The following NALF1 variants were observed in gnomAD, a reference collection of about 807,000 sequenced individuals.
NALF1 encodes NALCN channel auxiliary factor 1, also known as family with sequence similarity 155 member A.
A neutral mutation model predicts 48.4 loss-of-function variants in NALF1; 3 were observed. That is an observed-to-expected ratio of 0.06 (90% CI 0.03 to 0.16). The LOEUF is 0.16. Among genes scored for constraint, NALF1 ranks in the 10% least tolerant of loss-of-function variants. The probability of loss-of-function intolerance (pLI) is 1.00; values close to 1 mark genes in which losing one functional copy is unlikely to be tolerated. For synonymous variants in NALF1, 262 were observed against 245.7 expected, an observed-to-expected ratio of 1.07 and a Z score of -0.62; for missense variants, 526 against 571.5, an observed-to-expected ratio of 0.92 and a Z score of 0.81.
At chr13:107,602,034 T>C (rs1476581014) in intron 1 of NALF1, among the ~76,000 whole-genome samples, 1 of 151,888 alleles carries the variant, frequency 6.6e-6, no homozygotes, top group Non-Finnish European at 1.5e-5. Flanking sequence ...TTCCTAAAAA[T>C]AAAGCTCATG....
At position 107,375,442 on chromosome 13, in the gene NALF1, T is replaced by G. The variant is rs139191599; in HGVS notation, c.916-164687A>C. 1.5e-3 allele frequency among the ~76,000 whole-genome samples: 228 copies of G among 152,316 alleles called. 2 individuals carry two copies. The highest frequency in any genetic ancestry group is 5.1e-3 in the African/African-American group (210 of 41,580). The stretch of plus-strand genomic sequence containing the variant: ...AAATATTTTTTATAAAAAATGTATA[T>G]TAAACAAGCAAAGTCATTCCAGAAA... On this transcript the variant is annotated intron_variant, in intron 1 of 2. Transcript: ENST00000375915.
At chr13:107,565,210 A>C (rs914174117) in intron 1 of NALF1, among the ~76,000 whole-genome samples, 10 of 151,526 alleles carry the variant, frequency 6.6e-5, no homozygotes, top group East Asian at 5.8e-4. Flanking sequence ...ATGACCCCAA[A>C]TAAGAAATTT....
intron 1 of NALF1, among the ~76,000 whole-genome samples, chr13:107,843,105 G>A (rs1880083969): frequency 6.6e-6 from 1 of 152,180 alleles, no homozygotes; most frequent in Non-Finnish European, 1.5e-5. Context: ...GAAGACTCAT[G>A]GTGGGCTGCT....
At chr13:107,453,272 T>C (rs1006466613) in intron 1 of NALF1, among the ~76,000 whole-genome samples, 2 of 152,202 alleles carry the variant, frequency 1.3e-5, no homozygotes. Context: ...CCATGAGGGC[T>C]CCGCCCCTTC....
intron 1 of NALF1, among the ~76,000 whole-genome samples, chr13:107,372,738 C>T (rs2138966190): frequency 6.6e-6 from 1 of 152,170 alleles, no homozygotes; most frequent in South Asian, 2.1e-4. Context: ...GAATACCTAC[C>T]AATCTGTTAT....
intron 2 of NALF1, among the ~76,000 whole-genome samples, chr13:107,198,656 G>C (rs1418272141): frequency 1.3e-5 from 2 of 152,190 alleles, no homozygotes; most frequent in African/African-American, 2.4e-5. Flanking sequence ...TCCTCTGCTA[G>C]GGGAGTCATC....
intron 1 of NALF1, among the ~76,000 whole-genome samples, chr13:107,568,137 C>A (rs891690866): frequency 3.3e-5 from 5 of 152,056 alleles, no homozygotes; most frequent in Non-Finnish European, 1.5e-5. Flanking sequence ...ACCACCATGC[C>A]TGGCTAATTT....
chr13:107,525,273 C>T (rs2139100806), intron 1 of NALF1, among the ~76,000 whole-genome samples: 1 of 152,240 alleles, frequency 6.6e-6, no homozygotes, highest in Non-Finnish European at 1.5e-5. Flanking sequence ...TACTGTCACA[C>T]AATCTCCTCA....
At chr13:107,197,058 G>A (rs567183102) in intron 2 of NALF1, among the ~76,000 whole-genome samples, 1 of 152,264 alleles carries the variant, frequency 6.6e-6, no homozygotes, top group Non-Finnish European at 1.5e-5. Flanking sequence ...CCCGCTGGTA[G>A]AACCTGTGGC....
At chr13:107,413,530 G>C (rs1203693791) in intron 1 of NALF1, among the ~76,000 whole-genome samples, 2 of 152,054 alleles carry the variant, frequency 1.3e-5, no homozygotes, top group Non-Finnish European at 2.9e-5. Context: ...TGTAGATGCT[G>C]GTTAATTAAG....
chr13:107,409,881 G>T lies in NALF1; in HGVS notation c.916-199126C>A, dbSNP rs1311353712. 2.6e-5 allele frequency among the ~76,000 whole-genome samples: 4 copies of T among 152,134 alleles called. No individual in the cohort carries two copies. In the East Asian group the frequency reaches 7.7e-4, roughly 29 times the overall value. On this transcript the variant is annotated intron_variant, in intron 1 of 2. Transcript: ENST00000375915. ...TTGCCCTCATCTCTTGAGTACTACT[G>T]CCTCTTTTAGTGCCCCAGCCCATAG...
intron 1 of NALF1, among the ~76,000 whole-genome samples, chr13:107,353,777 T>C (rs1006550951): frequency 6.6e-6 from 1 of 152,212 alleles, no homozygotes; most frequent in African/African-American, 2.4e-5. Context: ...TGAGTGCTCA[T>C]GTACACACAC....
chr13:107,636,606 T>C (rs1206851286), intron 1 of NALF1, among the ~76,000 whole-genome samples: 2 of 152,170 alleles, frequency 1.3e-5, no homozygotes, highest in Non-Finnish European at 2.9e-5. Context: ...CAGATGCTTC[T>C]TACTTTTTAA....
At chr13:107,520,878 A>G (rs914638755) in intron 1 of NALF1, among the ~76,000 whole-genome samples, 2 of 152,126 alleles carry the variant, frequency 1.3e-5, no homozygotes, top group Non-Finnish European at 2.9e-5. Flanking sequence ...CTGAAAGAAT[A>G]TGACCTCTGA....
At chr13:107,628,670 A>C (rs1233371666) in intron 1 of NALF1, among the ~76,000 whole-genome samples, 1 of 152,234 alleles carries the variant, frequency 6.6e-6, no homozygotes, top group Non-Finnish European at 1.5e-5. Flanking sequence ...ACTAAAAACA[A>C]AAAATCTAAA....
intron 1 of NALF1, among the ~76,000 whole-genome samples, chr13:107,597,072 C>T (rs1348705113): frequency 4.6e-5 from 7 of 152,152 alleles, no homozygotes; most frequent in African/African-American, 1.7e-4. Context: ...CAAATTGAGA[C>T]AGACCTTAAA....
intron 1 of NALF1, among the ~76,000 whole-genome samples, chr13:107,540,292 T>G (rs1326325485): frequency 2.6e-5 from 4 of 152,086 alleles, no homozygotes. Flanking sequence ...TTCTTCAACC[T>G]CTGCTAAAGC....
At chr13:107,493,460 A>G (rs1875215534) in intron 1 of NALF1, among the ~76,000 whole-genome samples, 1 of 152,158 alleles carries the variant, frequency 6.6e-6, no homozygotes, top group South Asian at 2.1e-4. Context: ...TTCTGTCTAC[A>G]GAAGGAAATG....
Position 107,388,367 on chromosome 13 carries a change from C to T in NALF1, c.916-177612G>A, listed in dbSNP as rs142528083. Among the ~76,000 whole-genome samples the T allele has an allele frequency of 1.1e-4, 16 of 152,330 alleles. No homozygotes were observed. In the East Asian group the frequency reaches 2.9e-3, roughly 28 times the overall value. On this transcript the variant is annotated intron_variant, in intron 1 of 2. Transcript: ENST00000375915. ...AAAGCCCTCTGCTAAAAGCTCCATTCTCAACTAGGTTGGAAACTGTAAAAG... is the reference window on the plus strand; with the variant it reads ...AAAGCCCTCTGCTAAAAGCTCCATTTTCAACTAGGTTGGAAACTGTAAAAG...
Sources: allele counts gnomAD v4.1 joint callset (sites outside exome capture counted in the v4.1 genomes callset), GRCh38; gene constraint gnomAD v4.1.1; transcripts MANE v1.5; gene names NCBI Gene and HGNC (gene_info 2026-07-23, HGNC 2026-07-21).